CNTNAP2: variants seen among roughly 807,000 people sequenced by gnomAD.
CNTNAP2 encodes contactin associated protein 2.
In CNTNAP2, 98 loss-of-function variants were observed where a neutral mutation model predicts 155.2. The observed-to-expected ratio is 0.63, with a 90% confidence interval of 0.54 to 0.75. The LOEUF is 0.75. Among genes scored for constraint, CNTNAP2 ranks in the 30% least tolerant of loss-of-function variants. CNTNAP2 has a pLI of 0.00. For synonymous variants in CNTNAP2, 651 were observed against 631.2 expected (o/e 1.03, Z -0.47); for missense variants, 1,727 against 1,688.1 (o/e 1.02, Z -0.40).
intron 1 of CNTNAP2, among the ~76,000 whole-genome samples, chr7:146,434,446 A>T (rs937121447): frequency 1.3e-5 from 2 of 152,182 alleles, no homozygotes; most frequent in African/African-American, 4.8e-5. Context: ...ACTTTCAAGC[A>T]TGGATTAAAA....
At chr7:147,194,354 C>T (rs1802741300) in intron 8 of CNTNAP2, among the ~76,000 whole-genome samples, 1 of 152,000 alleles carries the variant, frequency 6.6e-6, no homozygotes, top group South Asian at 2.1e-4. Context: ...GGGTTGGTTC[C>T]ATGTCTTTTC....
intron 8 of CNTNAP2, among the ~76,000 whole-genome samples, chr7:147,245,582 T>C (rs111757856): frequency 0.021 from 3,218 of 151,924 alleles, 111 homozygotes; most frequent in African/African-American, 0.074. Context: ...GCCTGTAATC[T>C]TAGCACGTCG....
chr7:147,555,712 G>A (rs7779042), intron 11 of CNTNAP2, among the ~76,000 whole-genome samples: 8 of 152,192 alleles, frequency 5.3e-5, no homozygotes, highest in South Asian at 2.1e-4. Flanking sequence ...GTTAATACCC[G>A]GCCACTTCTA....
intron 3 of CNTNAP2, among the ~76,000 whole-genome samples, chr7:146,877,710 C>T (rs113725628): frequency 0.028 from 4,244 of 151,696 alleles, 96 homozygotes; most frequent in Non-Finnish European, 0.043. Flanking sequence ...TTTAGCAGCT[C>T]TATGGCTTTC....
At chr7:148,122,485 C>T (rs1000644224) in intron 16 of CNTNAP2, among the ~76,000 whole-genome samples, 5 of 152,058 alleles carry the variant, frequency 3.3e-5, no homozygotes, top group African/African-American at 9.7e-5. Context: ...ACCAAATGAA[C>T]GAAGGTGTCG....
chr7:148,091,528 T>C (rs990399550), intron 15 of CNTNAP2, among the ~76,000 whole-genome samples: 1 of 152,124 alleles, frequency 6.6e-6, no homozygotes, highest in African/African-American at 2.4e-5. Context: ...TGGGACAAAA[T>C]CATGAATTAA....
intron 3 of CNTNAP2, among the ~76,000 whole-genome samples, chr7:146,877,858 A>G (rs1562983928): frequency 6.6e-6 from 1 of 152,118 alleles, no homozygotes; most frequent in Non-Finnish European, 1.5e-5. Context: ...ACAAGTGAAA[A>G]CTATGAATTA....
intron 13 of CNTNAP2, among the ~76,000 whole-genome samples, chr7:147,836,065 C>A (rs2116643666): frequency 6.6e-6 from 1 of 152,236 alleles, no homozygotes; most frequent in Admixed American, 6.5e-5. Flanking sequence ...AGTTTGTGGT[C>A]AGTTGTTACA....
At chr7:146,533,698 G>A (rs924693991) in intron 1 of CNTNAP2, among the ~76,000 whole-genome samples, 13 of 151,944 alleles carry the variant, frequency 8.6e-5, no homozygotes, top group South Asian at 6.2e-4. Flanking sequence ...CAGTCCATCT[G>A]TGTCATTTCC....
At chr7:147,149,247 T>G (rs56694070) in intron 8 of CNTNAP2, among the ~76,000 whole-genome samples, 9,801 of 152,210 alleles carry the variant, frequency 0.064, 333 homozygotes, top group African/African-American at 0.088. Flanking sequence ...TACAGAGTTC[T>G]GATTGATGCA....
chr7:146,496,671 T>TC (rs1272576412), intron 1 of CNTNAP2, among the ~76,000 whole-genome samples: 1 of 152,162 alleles, frequency 6.6e-6, no homozygotes, highest in Non-Finnish European at 1.5e-5. Flanking sequence ...TTCTTTTTTT[T>TC]CCCATATCAA....
At chr7:148,213,465 C>G (rs1396034637) in intron 18 of CNTNAP2, among the ~76,000 whole-genome samples, 1 of 152,108 alleles carries the variant, frequency 6.6e-6, no homozygotes, top group Non-Finnish European at 1.5e-5. Flanking sequence ...AGGCCAGGTT[C>G]TGTGCTCCTC....
In CNTNAP2 at chr7:146,721,875, G is replaced by GTGTGTGTGTATGTATATATA. The variant is rs1332551916; in HGVS notation, c.98-52395_98-52394insGTGTGTGTATGTATATATAT. Among the ~76,000 whole-genome samples, 81 of 76,652 alleles carry GTGTGTGTGTATGTATATATA rather than the reference G, an allele frequency of 1.1e-3. 6 individuals carry two copies. The African/African-American group carries it at 0.011, about 11-fold the overall frequency. The allele number at this position is 76,652 out of a possible 152,430, so 50.3% of individuals were successfully genotyped here. On this transcript the variant is annotated intron_variant, in intron 1 of 23. Coordinates refer to ENST00000361727, the MANE Select transcript of CNTNAP2 (RefSeq NM_014141.6). ...TACATTTATATGTGTGTGTGTGTGTGTATATATATATATATTTTTTTTTTT... is the reference window on the plus strand; with the variant it reads ...TACATTTATATGTGTGTGTGTGTGTGTGTGTGTGTATGTATATATATATATATATATATATTTTTTTTTTT...
At chr7:147,202,595 A>G (rs961120568) in intron 8 of CNTNAP2, among the ~76,000 whole-genome samples, 1 of 152,180 alleles carries the variant, frequency 6.6e-6, no homozygotes, top group Admixed American at 6.5e-5. Flanking sequence ...TGTGGCACAT[A>G]TACACCATGG....
intron 2 of CNTNAP2, among the ~76,000 whole-genome samples, chr7:146,830,599 C>G (rs927541425): frequency 5.9e-5 from 9 of 152,070 alleles, no homozygotes; most frequent in African/African-American, 1.7e-4. Context: ...TTACATAATT[C>G]TTTCTAAGCA....
intron 18 of CNTNAP2, among the ~76,000 whole-genome samples, chr7:148,196,715 G>A (rs1795284071): frequency 1.3e-5 from 2 of 152,214 alleles, no homozygotes; most frequent in Non-Finnish European, 1.5e-5. Flanking sequence ...GCAAGGATTT[G>A]AACATAGACA....
At chr7:147,503,970 A>G (rs573396714) in intron 11 of CNTNAP2, among the ~76,000 whole-genome samples, 1 of 152,344 alleles carries the variant, frequency 6.6e-6, no homozygotes, top group South Asian at 2.1e-4. Context: ...AATTGCATGT[A>G]AGGAAGATAT....
chr7:148,293,586 A>C (rs1249998202), intron 21 of CNTNAP2, among the ~76,000 whole-genome samples: 1 of 152,256 alleles, frequency 6.6e-6, no homozygotes, highest in African/African-American at 2.4e-5. Flanking sequence ...AAGTGTTACT[A>C]GCAAGATGGA....
intron 1 of CNTNAP2, among the ~76,000 whole-genome samples, chr7:146,131,740 G>A (rs1225095115): frequency 3.3e-5 from 5 of 152,122 alleles, no homozygotes; most frequent in Admixed American, 6.6e-5. Flanking sequence ...AGATGATTAT[G>A]CATCTGATAT....
Sources: allele counts gnomAD v4.1 joint callset (sites outside exome capture counted in the v4.1 genomes callset), GRCh38; gene constraint gnomAD v4.1.1; transcripts MANE v1.5; gene names NCBI Gene and HGNC (gene_info 2026-07-23, HGNC 2026-07-21).